The following SYT14 variants were observed in gnomAD, a reference collection of about 807,000 sequenced individuals.
The protein encoded by SYT14 is synaptotagmin-14.
In SYT14, 32 loss-of-function variants were observed where a neutral mutation model predicts 74.2. The ratio of observed to expected loss-of-function variants is 0.43; its 90% CI spans 0.33 to 0.58. The LOEUF is 0.58. Among genes scored for constraint, SYT14 ranks in the 20% least tolerant of loss-of-function variants. The probability of loss-of-function intolerance (pLI) is 0.05; values close to 1 mark genes in which losing one functional copy is unlikely to be tolerated. For synonymous variants in SYT14, 298 were observed against 337.7 expected, an observed-to-expected ratio of 0.88 and a Z score of 1.29; for missense variants, 791 against 981.8, an observed-to-expected ratio of 0.81 and a Z score of 2.60.
intron 2 of SYT14, among the ~76,000 whole-genome samples, chr1:210,007,649 C>T (rs2080013620): frequency 6.6e-6 from 1 of 151,958 alleles, no homozygotes; most frequent in African/African-American, 2.4e-5. Context: ...AATATTTGCA[C>T]ATAATATATA....
chr1:209,953,052 C>T lies in SYT14; in HGVS notation c.-486+296C>T, dbSNP rs186071679. 8.9e-5 allele frequency: 121 copies of T among 1,360,460 alleles called. 1 individual carries two copies. The East Asian group carries it at 4.1e-3, about 46-fold the overall frequency. The allele number at this position is 1,360,460 out of a possible 1,614,324, so 84.3% of individuals were successfully genotyped here. A position where few individuals can be genotyped will look rare whatever the true frequency, so the allele number is the denominator to read the frequency against. On this transcript the variant is annotated intron_variant, in intron 2 of 9. Coordinates refer to ENST00000637265, the Ensembl canonical transcript of SYT14. ...GGAGGGTTTGATTTTTGTTCCCTTT[C>T]AGAATCTGGAATCTGAGTGCATGCT...
intron 5 of SYT14, among the ~76,000 whole-genome samples, chr1:210,052,664 C>A (rs1173036620): frequency 3.4e-5 from 1 of 29,146 alleles, no homozygotes; most frequent in African/African-American, 6.1e-4. Context: ...CTACATCTCA[C>A]CAAAAAAAAA....
intron 2 of SYT14, among the ~76,000 whole-genome samples, chr1:210,006,535 T>C (rs2079991212): frequency 6.6e-6 from 1 of 151,930 alleles, no homozygotes; most frequent in Non-Finnish European, 1.5e-5. Flanking sequence ...CACATTTTGG[T>C]CAAGAGATAG....
In SYT14 at chr1:210,055,644, G is replaced by T. The variant is rs72649944; in HGVS notation, c.1312+34390G>T. Among the ~76,000 whole-genome samples, 2,343 of 150,814 alleles carry T rather than the reference G, an allele frequency of 0.016. 186 individuals are homozygous for T. In the East Asian group the frequency reaches 0.25, roughly 16 times the overall value. On this transcript the variant is annotated intron_variant, in intron 5 of 9. Coordinates refer to ENST00000637265, the Ensembl canonical transcript of SYT14. ...CCAGCCTGGTCAACATAATGAAACC[G>T]CATCTCTACAAAAAAAAAAATACAA... is the stretch of plus-strand genomic sequence containing the variant.
intron 2 of SYT14, among the ~76,000 whole-genome samples, chr1:209,965,378 G>A (rs576323053): frequency 1.3e-5 from 2 of 152,208 alleles, no homozygotes; most frequent in South Asian, 2.1e-4. Flanking sequence ...ATATTGTTGC[G>A]AAGGACATGA....
intron 9 of SYT14, among the ~76,000 whole-genome samples, chr1:210,160,035 A>G (rs1039301086): frequency 2.0e-5 from 3 of 152,214 alleles, no homozygotes; most frequent in African/African-American, 7.2e-5. Flanking sequence ...TAGTATTTTA[A>G]CTATCCTGAA....
chr1:209,980,524 T>C (rs1416701900), intron 2 of SYT14, among the ~76,000 whole-genome samples: 1 of 152,264 alleles, frequency 6.6e-6, no homozygotes, highest in Non-Finnish European at 1.5e-5. Flanking sequence ...TCTTTGCCGG[T>C]GCCTATATCC....
At chr1:209,977,357 C>T (rs11119378) in intron 2 of SYT14, among the ~76,000 whole-genome samples, 69,708 of 151,936 alleles carry the variant, frequency 0.46, 17,207 homozygotes, top group Non-Finnish European at 0.56. Context: ...TTGTTCCTTT[C>T]CATGTTTAGT....
chr1:209,962,453 G>C (rs1303045566), intron 2 of SYT14, among the ~76,000 whole-genome samples: 2 of 151,882 alleles, frequency 1.3e-5, no homozygotes, highest in African/African-American at 4.8e-5. Flanking sequence ...GGTAGTAGCA[G>C]AGAATAGAGC....
chr1:210,026,638 A>ACACACT (rs374704255), intron 5 of SYT14, among the ~76,000 whole-genome samples: 6,852 of 151,238 alleles, frequency 0.045, 859 homozygotes, highest in East Asian at 0.36. Flanking sequence ...ACACACACAC[A>ACACACT]CACACTCACC....
intron 7 of SYT14, among the ~76,000 whole-genome samples, chr1:210,132,943 A>G (rs1301752536): frequency 6.6e-6 from 1 of 152,084 alleles, no homozygotes. Context: ...ACCTGACTTC[A>G]TTTCCACACT....
exon 10 of SYT14, chr1:210,164,155 C>A (rs1203850671): frequency 3.5e-5 from 15 of 425,182 alleles, no homozygotes; most frequent in South Asian, 1.0e-4. Context: ...CAGAAGCTTT[C>A]TTCTATATTC....
intron 6 of SYT14, among the ~76,000 whole-genome samples, chr1:210,097,048 G>T (rs1367642280): frequency 6.6e-6 from 1 of 152,126 alleles, no homozygotes; most frequent in Non-Finnish European, 1.5e-5. Context: ...CCTCCGTCCT[G>T]CTTATTTTTG....
intron 5 of SYT14, among the ~76,000 whole-genome samples, chr1:210,056,634 T>G (rs2081101503): frequency 7.9e-6 from 1 of 126,084 alleles, no homozygotes; most frequent in Non-Finnish European, 1.6e-5. Flanking sequence ...GCTAACATGA[T>G]GAAACCCCGT....
chr1:210,160,672 AT>A, intron 9 of SYT14, 56 bp from the exon 9 acceptor site: 1 of 1,480,020 alleles, frequency 6.8e-7, no homozygotes, highest in Non-Finnish European at 9.3e-7. Context: ...CCTATAAAAA[AT>A]TGTTTTGAGT....
At chr1:209,966,575 A>G (rs1168285472) in intron 2 of SYT14, among the ~76,000 whole-genome samples, 1 of 152,196 alleles carries the variant, frequency 6.6e-6, no homozygotes, top group African/African-American at 2.4e-5. Flanking sequence ...ATATATCCCT[A>G]AGCATTTCAT....
chr1:210,122,060 C>T (rs2082480018), intron 7 of SYT14, among the ~76,000 whole-genome samples: 1 of 61,434 alleles, frequency 1.6e-5, no homozygotes, highest in African/African-American at 1.0e-4. Flanking sequence ...TCACTGCAAG[C>T]TCCGCCTCCC....
At chr1:210,154,802 AATT>A (rs2083236054) in intron 7 of SYT14, among the ~76,000 whole-genome samples, 1 of 152,180 alleles carries the variant, frequency 6.6e-6, no homozygotes, top group Admixed American at 6.5e-5. Flanking sequence ...CATCATTTGA[AATT>A]ATTATTTGCT....
At chr1:210,043,565 G>A (rs1233957451) in intron 5 of SYT14, among the ~76,000 whole-genome samples, 1 of 152,180 alleles carries the variant, frequency 6.6e-6, no homozygotes, top group African/African-American at 2.4e-5. Context: ...ATAGAAGTAA[G>A]AATTTGAAAT....
Sources: gnomAD v4.1 joint callset for allele counts (sites outside exome capture counted in the v4.1 genomes callset) on GRCh38, gnomAD v4.1.1 for gene constraint, MANE v1.5 for transcripts, NCBI Gene and HGNC (gene_info 2026-07-23, HGNC 2026-07-21) for gene names.